Variants in ARCN1 observed in about 807,000 individuals in gnomAD.
ARCN1 encodes archain 1 coat protein complex I subunit delta.
Under a neutral mutation model 60.4 loss-of-function variants are expected in ARCN1, and 5 were observed. The ratio of observed to expected loss-of-function variants is 0.08; its 90% CI spans 0.04 to 0.17. ARCN1 has a LOEUF of 0.17. Ranked by LOEUF, ARCN1 falls within the 10% of genes least tolerant of loss-of-function variation. The pLI is 1.00. For missense variants in ARCN1, 464 were observed against 626.5 expected, an observed-to-expected ratio of 0.74 and a Z score of 2.77; for synonymous variants, 224 against 220.0, an observed-to-expected ratio of 1.02 and a Z score of -0.16.
At chr11:118,588,209 G>T (rs559188013) in intron 5 of ARCN1, among the ~76,000 whole-genome samples, 22 of 152,286 alleles carry the variant, frequency 1.4e-4, no homozygotes, top group African/African-American at 5.3e-4. Flanking sequence ...ATACTGATAG[G>T]CTGAGTGGGG....
In ARCN1 at chr11:118,597,761, C is replaced by T. The variant is rs1555077433; in HGVS notation, c.1296C>T (p.Asp432=). 6.2e-7 allele frequency: 1 copy of T among 1,614,198 alleles called. No individual in the cohort carries two copies. Among genetic ancestry groups the T allele is most frequent in the Non-Finnish European group, 8.5e-7 (1 of 1,180,044 alleles). Residue 432 remains aspartate (D), a synonymous_variant, in exon 9 of 10, where the codon GAC becomes GAT. Coordinates refer to ENST00000264028, the MANE Select transcript of ARCN1 (RefSeq NM_001655.5). The part of the protein sequence containing the change: ...IGEIDGEYRH[D]SRRNTLEWCL... The stretch of plus-strand genomic sequence containing the variant: ...AGATCGATGGGGAGTATCGACATGA[C>T]AGTCGACGAAATACCCTGGAGTGGT...
At chr11:118,577,559 TC>T (rs1417213448) in intron 1 of ARCN1, among the ~76,000 whole-genome samples, 1 of 152,148 alleles carries the variant, frequency 6.6e-6, no homozygotes, top group Non-Finnish European at 1.5e-5. Context: ...TGCTGTTTCT[TC>T]TATCAAGTCA....
chr11:118,577,670 C>T (rs1283204234), intron 1 of ARCN1, among the ~76,000 whole-genome samples: 1 of 152,174 alleles, frequency 6.6e-6, no homozygotes, highest in Admixed American at 6.5e-5. Flanking sequence ...CCTCATATTA[C>T]AGTTATTTGT....
intron 1 of ARCN1, among the ~76,000 whole-genome samples, chr11:118,577,397 C>T (rs1938542811): frequency 6.6e-6 from 1 of 152,028 alleles, no homozygotes; most frequent in Non-Finnish European, 1.5e-5. Flanking sequence ...AGACGTGCAC[C>T]ACCAGACTTG....
At chr11:118,584,406 C>A (rs1938731118) in intron 4 of ARCN1, 74 bp from the exon 5 acceptor site, 1 of 1,419,168 alleles carries the variant, frequency 7.0e-7, no homozygotes, top group Admixed American at 2.7e-5. Flanking sequence ...ACGGGAGATA[C>A]AAAATTTTCA....
At chr11:118,592,417 T>C (rs1167366697) in intron 6 of ARCN1, among the ~76,000 whole-genome samples, 1 of 152,216 alleles carries the variant, frequency 6.6e-6, no homozygotes, top group African/African-American at 2.4e-5. Flanking sequence ...TGAAGTATTT[T>C]TGGAAAGAAC....
At position 118,601,211 on chromosome 11, in the gene ARCN1, G is replaced by A. The variant is rs1159833522; in HGVS notation, c.*497G>A. 12 of 278,090 alleles carry A rather than the reference G, an allele frequency of 4.3e-5. No individual in the cohort carries two copies. The East Asian group carries it at 4.9e-4, about 11-fold the overall frequency. The allele number at this position is 278,090 out of a possible 1,614,324, so 17.2% of individuals were successfully genotyped here. A position where few individuals can be genotyped will look rare whatever the true frequency, so the allele number is the denominator to read the frequency against. On this transcript the variant is annotated 3_prime_UTR_variant, in exon 10 of 10. Coordinates refer to ENST00000264028, the MANE Select transcript of ARCN1 (RefSeq NM_001655.5). ...CGAGTAGCTGGGACTACAGGTGCACGCCACCACGCCTGGCTAATTTTTTGT... is the reference window on the plus strand; with the variant it reads ...CGAGTAGCTGGGACTACAGGTGCACACCACCACGCCTGGCTAATTTTTTGT...
chr11:118,581,937 GACACAC>G (rs34532442), intron 2 of ARCN1, among the ~76,000 whole-genome samples: 3 of 140,812 alleles, frequency 2.1e-5, no homozygotes, highest in East Asian at 2.6e-4. Flanking sequence ...CAGACAGACA[GACACAC>G]ACACACACAC....
intron 1 of ARCN1, among the ~76,000 whole-genome samples, chr11:118,575,411 G>GGTGTGTGTGTGTGTGTGTGTGTGTGT (rs56934953): frequency 6.7e-6 from 1 of 149,084 alleles, no homozygotes; most frequent in African/African-American, 2.5e-5. Context: ...ACTGATAACG[G>GGTGTGTGTGTGTGTGTGTGTGTGTGT]GTGTGTGTGT....
chr11:118,577,041 G>A (rs1202809892), intron 1 of ARCN1, among the ~76,000 whole-genome samples: 3 of 151,996 alleles, frequency 2.0e-5, no homozygotes, highest in Non-Finnish European at 4.4e-5. Flanking sequence ...CAAAAAATTA[G>A]CCAGGTGTGG....
At chr11:118,585,185 A>C (rs1328497017) in intron 5 of ARCN1, among the ~76,000 whole-genome samples, 3 of 148,308 alleles carry the variant, frequency 2.0e-5, no homozygotes, top group South Asian at 2.2e-4. Context: ...CTGGCCTCCA[A>C]CTCCTGAGCT....
chr11:118,595,494 A>G (rs571301737), intron 8 of ARCN1, among the ~76,000 whole-genome samples: 1 of 152,364 alleles, frequency 6.6e-6, no homozygotes, highest in Non-Finnish European at 1.5e-5. Context: ...CATAATCAAG[A>G]TAACAAAAAT....
At chr11:118,587,097 C>T (rs1236150596) in intron 5 of ARCN1, among the ~76,000 whole-genome samples, 4 of 152,052 alleles carry the variant, frequency 2.6e-5, no homozygotes, top group African/African-American at 9.7e-5. Context: ...TTTTTTGTAG[C>T]CTCTGTAGTT....
At chr11:118,585,051 C>T (rs1439378497) in intron 5 of ARCN1, among the ~76,000 whole-genome samples, 4 of 152,124 alleles carry the variant, frequency 2.6e-5, no homozygotes, top group African/African-American at 9.7e-5. Context: ...TGGTCTCGAT[C>T]TCCTGACCTT....
intron 1 of ARCN1, among the ~76,000 whole-genome samples, chr11:118,578,553 G>C (rs1456410273): frequency 1.3e-5 from 2 of 152,088 alleles, no homozygotes; most frequent in African/African-American, 2.4e-5. Flanking sequence ...TTTAGGGATA[G>C]GAGGCTCTAC....
chr11:118,576,555 A>T (rs1245418274), intron 1 of ARCN1, among the ~76,000 whole-genome samples: 1 of 151,994 alleles, frequency 6.6e-6, no homozygotes, highest in Non-Finnish European at 1.5e-5. Context: ...CTATATTTTA[A>T]TAATTGTTAA....
intron 8 of ARCN1, among the ~76,000 whole-genome samples, chr11:118,594,868 T>C (rs1938992747): frequency 6.6e-6 from 1 of 151,940 alleles, no homozygotes; most frequent in African/African-American, 2.4e-5. Flanking sequence ...TTTTATTTTT[T>C]TGAGACAGTC....
At chr11:118,593,740 C>T in intron 8 of ARCN1, 42 bp downstream of exon 8, 4 of 1,412,236 alleles carry the variant, frequency 2.8e-6, no homozygotes, top group Non-Finnish European at 4.0e-6. Flanking sequence ...ACTTAGAGAA[C>T]TGGTCTTTTG....
Position 118,591,783 on chromosome 11 carries a change from G to A in ARCN1, c.985-926G>A, listed in dbSNP as rs148800152. The stretch of plus-strand genomic sequence containing the variant: ...ACAGTCTCTCTCTGTCATGCGGGCT[G>A]GAGTGCAGCAGCACAACCTTGGCTC... On this transcript the variant is annotated intron_variant, in intron 6 of 9. Coordinates refer to ENST00000264028, the MANE Select transcript of ARCN1 (RefSeq NM_001655.5). Among the ~76,000 whole-genome samples the A allele has an allele frequency of 1.4e-3, 205 of 149,246 alleles. 1 individual carries two copies. The Middle Eastern group carries it at 0.024, about 17-fold the overall frequency.
Sources: allele counts gnomAD v4.1 joint callset (sites outside exome capture counted in the v4.1 genomes callset), GRCh38; gene constraint gnomAD v4.1.1; transcripts MANE v1.5; gene names NCBI Gene and HGNC (gene_info 2026-07-23, HGNC 2026-07-21).